Variants in KIAA1328 observed in about 807,000 individuals in gnomAD.
KIAA1328 encodes protein hinderin.
Under a neutral mutation model 68.1 loss-of-function variants are expected in KIAA1328, and 52 were observed. The ratio of observed to expected loss-of-function variants is 0.76; its 90% CI spans 0.61 to 0.96. The LOEUF (loss-of-function observed/expected upper bound fraction) is 0.96. Among genes scored for constraint, KIAA1328 ranks in the 40% least tolerant of loss-of-function variants. The pLI is 0.00. For synonymous variants in KIAA1328, 232 were observed against 239.4 expected, an observed-to-expected ratio of 0.97 and a Z score of 0.28; for missense variants, 641 against 677.6, an observed-to-expected ratio of 0.95 and a Z score of 0.60.
intron 6 of KIAA1328, among the ~76,000 whole-genome samples, chr18:37,052,418 C>G (rs2055735723): frequency 6.6e-6 from 1 of 152,064 alleles, no homozygotes; most frequent in Non-Finnish European, 1.5e-5. Flanking sequence ...AGCATTACCC[C>G]TAATAACTGG....
rs76166589 is a variant in KIAA1328 at position 37,128,513 on chromosome 18, A to C, written c.1233-31687A>C. Among the ~76,000 whole-genome samples the C allele has an allele frequency of 3.1e-3, 478 of 152,278 alleles. 3 individuals carry two copies. Among genetic ancestry groups the C allele is most frequent in the African/African-American group, 0.011 (457 of 41,564 alleles). Reference sequence around the variant, plus strand: ...ACTAATCATACCACACCACATGCTGATGAGGATGTGGAGCAATGGGAACTC... The same window carrying C: ...ACTAATCATACCACACCACATGCTGCTGAGGATGTGGAGCAATGGGAACTC... On this transcript the variant is annotated intron_variant, in intron 7 of 9. Transcript: ENST00000280020.
rs1391112956 is a variant in KIAA1328 at position 37,089,441 on chromosome 18, C to G, written c.1232+21896C>G. On this transcript the variant is annotated intron_variant, in intron 7 of 9. Coordinates refer to ENST00000280020, the MANE Select transcript of KIAA1328 (RefSeq NM_020776.3). Reference sequence around the variant, plus strand: ...CCGGGCTGGAGTGCAGTGTCACAATCTCGGCTCATTGCAACCTCCACCTTC... The same window carrying G: ...CCGGGCTGGAGTGCAGTGTCACAATGTCGGCTCATTGCAACCTCCACCTTC... Among the ~76,000 whole-genome samples the G allele has an allele frequency of 2.9e-5, 4 of 136,182 alleles. No homozygotes were observed. The South Asian group carries it at 1.1e-3, about 37-fold the overall frequency. 89.3% of individuals were successfully genotyped at this position (136,182 alleles called of 152,430 possible). A position where few individuals can be genotyped will look rare whatever the true frequency, so the allele number is the denominator to read the frequency against.
intron 6 of KIAA1328, among the ~76,000 whole-genome samples, chr18:37,003,171 C>G (rs952777213): frequency 6.6e-6 from 1 of 151,868 alleles, no homozygotes; most frequent in African/African-American, 2.4e-5. Flanking sequence ...CCCCATCTCT[C>G]GATGTACACA....
At chr18:36,916,320 A>G (rs1193907964) in intron 5 of KIAA1328, among the ~76,000 whole-genome samples, 1 of 152,054 alleles carries the variant, frequency 6.6e-6, no homozygotes, top group African/African-American at 2.4e-5. Flanking sequence ...ATCTGTCTTA[A>G]AGCTCACTGA....
chr18:37,182,981 C>G (rs1447328861), intron 9 of KIAA1328, among the ~76,000 whole-genome samples: 1 of 152,134 alleles, frequency 6.6e-6, no homozygotes, highest in Non-Finnish European at 1.5e-5. Context: ...GACAGTGCCT[C>G]TGCCAAAATG....
chr18:36,902,996 G>A (rs2151037794), intron 5 of KIAA1328, among the ~76,000 whole-genome samples: 1 of 151,972 alleles, frequency 6.6e-6, no homozygotes, highest in Non-Finnish European at 1.5e-5. Flanking sequence ...TCTATGCCTA[G>A]TGCTAGTATT....
At chr18:37,128,159 T>C (rs1599367228) in intron 7 of KIAA1328, among the ~76,000 whole-genome samples, 1 of 152,204 alleles carries the variant, frequency 6.6e-6, no homozygotes, top group South Asian at 2.1e-4. Flanking sequence ...TATGCAAAGA[T>C]TTTTTGTAAC....
intron 7 of KIAA1328, among the ~76,000 whole-genome samples, chr18:37,099,750 T>C (rs1432919711): frequency 6.6e-6 from 1 of 152,212 alleles, no homozygotes; most frequent in Non-Finnish European, 1.5e-5. Context: ...TTTACGAATC[T>C]GGGTACTCCT....
At chr18:37,046,290 G>T (rs1215623824) in intron 6 of KIAA1328, among the ~76,000 whole-genome samples, 1 of 152,200 alleles carries the variant, frequency 6.6e-6, no homozygotes, top group Non-Finnish European at 1.5e-5. Flanking sequence ...CTCAGTCAGG[G>T]ACTGAATTAA....
chr18:37,026,089 A>C (rs1285445543), intron 6 of KIAA1328, among the ~76,000 whole-genome samples: 2 of 152,224 alleles, frequency 1.3e-5, no homozygotes, highest in Admixed American at 1.3e-4. Context: ...AGGATACTAT[A>C]AACAACTGTA....
intron 6 of KIAA1328, among the ~76,000 whole-genome samples, chr18:36,971,285 C>T (rs572548619): frequency 6.6e-6 from 1 of 152,218 alleles, no homozygotes; most frequent in South Asian, 2.1e-4. Context: ...GCACCTTATA[C>T]AAAAAATAAT....
intron 5 of KIAA1328, among the ~76,000 whole-genome samples, chr18:36,889,533 G>GCA (rs2048610747): frequency 6.6e-6 from 1 of 152,156 alleles, no homozygotes; most frequent in Non-Finnish European, 1.5e-5. Flanking sequence ...TGACAGCAAA[G>GCA]CACAGTGGGA....
chr18:36,934,677 G>A lies in KIAA1328; in HGVS notation c.449-24631G>A, dbSNP rs547972795. Among the ~76,000 whole-genome samples the A allele has an allele frequency of 2.0e-4, 31 of 152,132 alleles. 1 individual carries two copies. The highest frequency in any genetic ancestry group is 7.0e-4 in the African/African-American group (29 of 41,488). ...TCCAGGCTCTGTCTCATTGGCCATC[G>A]TCTCCCTCTCCTCTAAATTTTTTTT... On this transcript the variant is annotated intron_variant, in intron 5 of 9. Coordinates refer to ENST00000280020, the MANE Select transcript of KIAA1328 (RefSeq NM_020776.3).
chr18:37,044,072 A>G (rs184187326), intron 6 of KIAA1328, among the ~76,000 whole-genome samples: 139 of 152,352 alleles, frequency 9.1e-4, no homozygotes, highest in Non-Finnish European at 9.0e-4. Flanking sequence ...TTAACAAACT[A>G]TAGACCAAAT....
intron 9 of KIAA1328, among the ~76,000 whole-genome samples, chr18:37,200,289 C>T (rs1397037091): frequency 1.3e-5 from 2 of 152,290 alleles, no homozygotes; most frequent in East Asian, 3.9e-4. Context: ...AGTTGTTTGA[C>T]AGGAATTCTC....
intron 4 of KIAA1328, among the ~76,000 whole-genome samples, chr18:36,858,505 C>T (rs1316748167): frequency 1.3e-5 from 2 of 152,172 alleles, no homozygotes; most frequent in African/African-American, 4.8e-5. Flanking sequence ...AAGAAATTAA[C>T]ACTGGTATAG....
At chr18:36,912,570 G>A (rs1011495338) in intron 5 of KIAA1328, among the ~76,000 whole-genome samples, 1 of 152,154 alleles carries the variant, frequency 6.6e-6, no homozygotes, top group South Asian at 2.1e-4. Flanking sequence ...ATCTGTGGGT[G>A]TACCGTTACT....
chr18:36,912,123 A>C (rs1358023425), intron 5 of KIAA1328, among the ~76,000 whole-genome samples: 1 of 152,132 alleles, frequency 6.6e-6, no homozygotes, highest in African/African-American at 2.4e-5. Flanking sequence ...GTTTATATGC[A>C]TTCTTGAAAG....
At chr18:37,020,280 G>A (rs1037995380) in intron 6 of KIAA1328, among the ~76,000 whole-genome samples, 34 of 152,124 alleles carry the variant, frequency 2.2e-4, no homozygotes, top group African/African-American at 7.2e-4. Flanking sequence ...ATGCCACCAC[G>A]CCTGGCTAAT....
Sources: gnomAD v4.1 joint callset for allele counts (sites outside exome capture counted in the v4.1 genomes callset) on GRCh38, gnomAD v4.1.1 for gene constraint, MANE v1.5 for transcripts, NCBI Gene and HGNC (gene_info 2026-07-23, HGNC 2026-07-21) for gene names.